The following SLC14A2 variants were observed in gnomAD, a reference collection of about 807,000 sequenced individuals.
SLC14A2 encodes solute carrier family 14 member 2.
SLC14A2 carries 91 observed loss-of-function variants against 104.6 expected under a neutral mutation model. The observed-to-expected ratio is 0.87, with a 90% CI of 0.73 to 1.04. SLC14A2 has a LOEUF of 1.04. SLC14A2 is among the 50% of genes least tolerant of loss of function. The pLI is 0.00. For synonymous variants in SLC14A2, 476 were observed against 466.4 expected (o/e 1.02, Z -0.27); for missense variants, 1,189 against 1,156.0 (o/e 1.03, Z -0.41).
chr18:45,405,425 A>C (rs1468505028), intron 1 of SLC14A2, among the ~76,000 whole-genome samples: 1 of 152,208 alleles, frequency 6.6e-6, no homozygotes, highest in Admixed American at 6.5e-5. Context: ...AGAGGAACCA[A>C]AATTGTTCCA....
Position 45,641,284 on chromosome 18 carries a change from C to A in SLC14A2, c.1067C>A (p.Ala356Asp). 6.2e-7 allele frequency: 1 copy of A among 1,614,186 alleles called. No homozygotes were observed. The highest frequency in any genetic ancestry group is 8.5e-7 in the Non-Finnish European group (1 of 1,180,008). ...WSYNCVLSCIAIGGMFYALTW... is the reference protein window; with the variant it reads ...WSYNCVLSCIDIGGMFYALTW... Reference sequence around the variant, plus strand: ...TACAACTGCGTCCTCTCCTGCATCGCCATCGGAGGCATGTTCTATGCCCTC... The same window carrying A: ...TACAACTGCGTCCTCTCCTGCATCGACATCGGAGGCATGTTCTATGCCCTC... The change falls in exon 8 of 20, where the codon GCC becomes GAC. Residue 356 changes from alanine (A) to aspartate (D), a missense_variant. Ala to Asp is a moderately radical substitution (Grantham distance 126). Transcript: ENST00000255226.
chr18:45,235,856 CATATATGT>C (rs2084223722), intron 1 of SLC14A2, among the ~76,000 whole-genome samples: 3 of 75,482 alleles, frequency 4.0e-5, no homozygotes, highest in African/African-American at 1.7e-4. Context: ...TGTATATATA[CATATATGT>C]GTGTATATAT....
At chr18:45,599,370 C>T (rs1200929789) in intron 2 of SLC14A2, among the ~76,000 whole-genome samples, 1 of 152,194 alleles carries the variant, frequency 6.6e-6, no homozygotes, top group East Asian at 1.9e-4. Context: ...ATATGACAAT[C>T]CCCCTTGCTC....
chr18:45,350,806 T>C (rs1284863927), intron 1 of SLC14A2, among the ~76,000 whole-genome samples: 1 of 151,440 alleles, frequency 6.6e-6, no homozygotes, highest in Non-Finnish European at 1.5e-5. Context: ...GCAGTTCCGC[T>C]TATAGAAGCA....
intron 5 of SLC14A2, among the ~76,000 whole-genome samples, chr18:45,636,752 G>T (rs1457581905): frequency 2.6e-5 from 4 of 151,964 alleles, no homozygotes; most frequent in African/African-American, 9.7e-5. Context: ...TCTCAGAGGT[G>T]TAAGCTTATG....
At chr18:45,374,145 T>C (rs1216078837) in intron 1 of SLC14A2, among the ~76,000 whole-genome samples, 1 of 152,144 alleles carries the variant, frequency 6.6e-6, no homozygotes, top group African/African-American at 2.4e-5. Context: ...CCTGGCTATT[T>C]ATAAGAACCT....
chr18:45,606,991 C>T (rs556379140), intron 2 of SLC14A2, among the ~76,000 whole-genome samples: 1 of 152,118 alleles, frequency 6.6e-6, no homozygotes, highest in Admixed American at 6.5e-5. Flanking sequence ...ACAGACATTG[C>T]AAATGAGAGG....
At chr18:45,342,041 A>G (rs1568159475) in intron 1 of SLC14A2, among the ~76,000 whole-genome samples, 6 of 152,236 alleles carry the variant, frequency 3.9e-5, no homozygotes, top group Admixed American at 3.9e-4. Context: ...CAGCATCTTT[A>G]AACAGAGGCA....
At chr18:45,284,267 G>A (rs959724299) in intron 1 of SLC14A2, among the ~76,000 whole-genome samples, 2 of 152,130 alleles carry the variant, frequency 1.3e-5, no homozygotes, top group African/African-American at 2.4e-5. Context: ...ACTTTGCTTT[G>A]TATGACATGG....
upstream of SLC14A2, among the ~76,000 whole-genome samples, chr18:45,210,157 C>T (rs924139026): frequency 6.6e-6 from 1 of 152,184 alleles, no homozygotes; most frequent in Admixed American, 6.5e-5. Context: ...AAGACAGAAA[C>T]ATCCAGGATA....
chr18:45,368,725 A>G (rs935477373), intron 1 of SLC14A2, among the ~76,000 whole-genome samples: 2 of 152,238 alleles, frequency 1.3e-5, no homozygotes, highest in African/African-American at 2.4e-5. Context: ...AAAGGGCTCA[A>G]GACAAATCAC....
intron 4 of SLC14A2, among the ~76,000 whole-genome samples, chr18:45,627,696 G>A (rs2045281447): frequency 6.6e-6 from 1 of 152,136 alleles, no homozygotes; most frequent in Admixed American, 6.5e-5. Context: ...GCCTCGCACT[G>A]GCTGGTGCAA....
intron 1 of SLC14A2, among the ~76,000 whole-genome samples, chr18:45,242,577 G>A (rs2084328912): frequency 6.6e-6 from 1 of 152,194 alleles, no homozygotes; most frequent in South Asian, 2.1e-4. Context: ...AGCATATGGT[G>A]AGATGGGGCC....
At chr18:45,513,412 G>A (rs984611335) in intron 2 of SLC14A2, among the ~76,000 whole-genome samples, 13 of 152,114 alleles carry the variant, frequency 8.5e-5, no homozygotes, top group African/African-American at 2.9e-4. Flanking sequence ...GAAGTTAGAG[G>A]GAATGTATAC....
At chr18:45,343,043 G>A (rs899017274) in intron 1 of SLC14A2, among the ~76,000 whole-genome samples, 1 of 152,124 alleles carries the variant, frequency 6.6e-6, no homozygotes, top group Non-Finnish European at 1.5e-5. Flanking sequence ...ACTAGCAGTA[G>A]CGGGAGGCCA....
At chr18:45,423,834 C>T (rs1189498091) in intron 1 of SLC14A2, 1 of 152,216 alleles carries the variant, frequency 6.6e-6, no homozygotes, top group Non-Finnish European at 1.5e-5. Flanking sequence ...GGTGTGTCCT[C>T]ATCTCATCCC....
chr18:45,361,862 A>G (rs748313504), intron 1 of SLC14A2, among the ~76,000 whole-genome samples: 1 of 152,166 alleles, frequency 6.6e-6, no homozygotes, highest in African/African-American at 2.4e-5. Context: ...TAATTGCTGC[A>G]TGGAAAAAAA....
Position 45,219,959 on chromosome 18 carries a change from G to A in SLC14A2, c.-125+6768G>A, listed in dbSNP as rs1056006987. On this transcript the variant is annotated intron_variant, in intron 1 of 20. Transcript: ENST00000586448. ...GGTTTAAGAAGTAGTCCACATGGCCGATACTTGCAGAGGGTTAAGACTTTG... is the reference window on the plus strand; with the variant it reads ...GGTTTAAGAAGTAGTCCACATGGCCAATACTTGCAGAGGGTTAAGACTTTG... Among the ~76,000 whole-genome samples the A allele has an allele frequency of 2.6e-5, 4 of 152,290 alleles. No individual in the cohort carries two copies. In the South Asian group the frequency reaches 6.2e-4, roughly 24 times the overall value.
intron 1 of SLC14A2, among the ~76,000 whole-genome samples, chr18:45,618,669 CAAAAAAAAAAAA>C (rs60728655): frequency 2.6e-4 from 13 of 50,692 alleles, no homozygotes; most frequent in East Asian, 2.1e-3. Flanking sequence ...AACTCTGTCT[CAAAAAAAAAAAA>C]AAAAAAAAAA....
Sources: gnomAD v4.1 joint callset for allele counts (sites outside exome capture counted in the v4.1 genomes callset) on GRCh38, gnomAD v4.1.1 for gene constraint, MANE v1.5 for transcripts, NCBI Gene and HGNC (gene_info 2026-07-23, HGNC 2026-07-21) for gene names.